Variants in ZMYM2 observed in about 807,000 individuals in gnomAD.
ZMYM2 encodes zinc finger MYM-type protein 2.
ZMYM2 carries 56 observed loss-of-function variants against 162.8 expected under a neutral mutation model. The observed-to-expected ratio is 0.34, with a 90% confidence interval of 0.28 to 0.43. ZMYM2 has a LOEUF of 0.43. Among genes scored for constraint, ZMYM2 ranks in the 20% least tolerant of loss-of-function variants. ZMYM2 has a pLI of 1.00. For missense variants in ZMYM2, 1,275 were observed against 1,621.8 expected, an observed-to-expected ratio of 0.79 and a Z score of 3.67; for synonymous variants, 510 against 541.6, an observed-to-expected ratio of 0.94 and a Z score of 0.81.
the ZMYM2 span, among the ~76,000 whole-genome samples, chr13:19,924,642 C>T: frequency 1.3e-5 from 2 of 152,152 alleles, no homozygotes; most frequent in Non-Finnish European, 2.9e-5. Flanking sequence ...GTCAGAATTT[C>T]CTTCCCTTTC....
the ZMYM2 span, among the ~76,000 whole-genome samples, chr13:19,917,923 G>T: frequency 1.3e-5 from 2 of 151,990 alleles, no homozygotes; most frequent in African/African-American, 4.8e-5. Context: ...GCTGGGCATG[G>T]TGGCTTGCCT....
At chr13:20,003,395 A>C (rs532573777) in intron 4 of ZMYM2, among the ~76,000 whole-genome samples, 2 of 152,336 alleles carry the variant, frequency 1.3e-5, no homozygotes, top group African/African-American at 4.8e-5. Flanking sequence ...AGAAGAAATT[A>C]GTTCTTATAG....
At chr13:20,003,640 T>G (rs1298627772) in intron 4 of ZMYM2, among the ~76,000 whole-genome samples, 2 of 147,862 alleles carry the variant, frequency 1.4e-5, no homozygotes, top group African/African-American at 4.9e-5. Flanking sequence ...TTTCTTTTCT[T>G]TTTTTTTTTT....
In ZMYM2 at chr13:20,034,215, G is replaced by GAGGTGT. The variant is rs35046313; in HGVS notation, c.1969-39_1969-38insAGGTGT. On this transcript the variant is annotated intron_variant, in intron 10 of 24. Transcript: ENST00000610343. ...AGTGGCGTGTTTATTTCTTAAGCTT[G>GAGGTGT]TCGTCATATACTTACCAAGGTTCCC... 197 of 294,274 alleles carry GAGGTGT rather than the reference G, an allele frequency of 6.7e-4. 1 individual carries two copies. The highest frequency in any genetic ancestry group is 1.5e-4 in the Non-Finnish European group (31 of 201,514). 18.2% of individuals were successfully genotyped at this position (294,274 alleles called of 1,614,324 possible). A position where few individuals can be genotyped will look rare whatever the true frequency, so the allele number is the denominator to read the frequency against.
chr13:19,927,367 C>T, the ZMYM2 span, among the ~76,000 whole-genome samples: 1 of 152,076 alleles, frequency 6.6e-6, no homozygotes, highest in Non-Finnish European at 1.5e-5. Flanking sequence ...ACAGAGACAA[C>T]ACACACACAC....
intron 2 of ZMYM2, among the ~76,000 whole-genome samples, chr13:19,981,807 TC>T (rs2139504318): frequency 6.6e-6 from 1 of 151,390 alleles, no homozygotes; most frequent in East Asian, 1.9e-4. Flanking sequence ...AAGATATCTT[TC>T]ATATCTTTAC....
At chr13:20,043,460 G>A (rs899257740) in intron 12 of ZMYM2, among the ~76,000 whole-genome samples, 1 of 152,170 alleles carries the variant, frequency 6.6e-6, no homozygotes, top group African/African-American at 2.4e-5. Context: ...GCTAGGGGGT[G>A]GAGTGGGGAA....
At chr13:20,013,147 CTT>C (rs781237316) in intron 6 of ZMYM2, among the ~76,000 whole-genome samples, 8 of 152,120 alleles carry the variant, frequency 5.3e-5, no homozygotes, top group Non-Finnish European at 1.2e-4. Flanking sequence ...TTTCAGCAGT[CTT>C]TTGTGGTTTT....
chr13:20,003,672 G>A (rs1178709969), intron 4 of ZMYM2, among the ~76,000 whole-genome samples: 1 of 148,950 alleles, frequency 6.7e-6, no homozygotes, highest in Admixed American at 6.7e-5. Context: ...TCATTCTGTA[G>A]CCCAGGCTGG....
At chr13:19,884,548 G>A in the ZMYM2 span, among the ~76,000 whole-genome samples, 8 of 151,856 alleles carry the variant, frequency 5.3e-5, no homozygotes, top group Admixed American at 2.0e-4. Flanking sequence ...ACTCCAGCCC[G>A]GGCAACAGAG....
chr13:20,072,588 G>A (rs1205822334), intron 21 of ZMYM2, among the ~76,000 whole-genome samples: 1 of 152,112 alleles, frequency 6.6e-6, no homozygotes, highest in Admixed American at 6.6e-5. Context: ...CCTATTTTCT[G>A]AAAGAATTTG....
intron 14 of ZMYM2, among the ~76,000 whole-genome samples, chr13:20,056,546 C>T (rs1042000959): frequency 6.6e-6 from 1 of 152,140 alleles, no homozygotes; most frequent in Non-Finnish European, 1.5e-5. Context: ...GACAAGGAAA[C>T]CACCATGGAT....
chr13:19,885,889 A>ATGTATATACACACATATG, the ZMYM2 span, among the ~76,000 whole-genome samples: 3 of 33,272 alleles, frequency 9.0e-5, no homozygotes, highest in Admixed American at 4.4e-4. Flanking sequence ...ACACATATAT[A>ATGTATATACACACATATG]TGTGTATACA....
intron 21 of ZMYM2, chr13:20,067,943 A>T (rs1209198991): frequency 6.3e-6 from 1 of 159,992 alleles, no homozygotes; most frequent in Non-Finnish European, 1.4e-5. Flanking sequence ...AATATGGTAG[A>T]TGACAGGGGA....
At chr13:19,907,137 T>C in the ZMYM2 span, among the ~76,000 whole-genome samples, 12 of 152,216 alleles carry the variant, frequency 7.9e-5, no homozygotes, top group African/African-American at 2.9e-4. Context: ...TCTCCCGAAG[T>C]AGTATTCCTT....
At chr13:19,948,054 A>G in the ZMYM2 span, among the ~76,000 whole-genome samples, 1 of 152,146 alleles carries the variant, frequency 6.6e-6, no homozygotes, top group Non-Finnish European at 1.5e-5. Context: ...CAAAAATGAG[A>G]TACCACTATA....
chr13:19,980,568 A>G (rs1957228395), intron 2 of ZMYM2, among the ~76,000 whole-genome samples: 1 of 152,080 alleles, frequency 6.6e-6, no homozygotes, highest in South Asian at 2.1e-4. Context: ...CCTGGCCAAC[A>G]TGGTGAAACC....
chr13:20,004,939 A>G (rs1950634457), intron 4 of ZMYM2, 135 bp from the exon 5 acceptor site: 2 of 618,056 alleles, frequency 3.2e-6, no homozygotes, highest in Non-Finnish European at 2.5e-6. Flanking sequence ...AATGTCTAAT[A>G]AAAATGATTT....
At chr13:19,864,633 G>A in the ZMYM2 span, 2 of 153,006 alleles carry the variant, frequency 1.3e-5, no homozygotes, top group Admixed American at 6.5e-5. Context: ...TGTGCTAGCA[G>A]CCCGGGGCGC....
Sources: allele counts gnomAD v4.1 joint callset (sites outside exome capture counted in the v4.1 genomes callset), GRCh38; gene constraint gnomAD v4.1.1; transcripts MANE v1.5; gene names NCBI Gene and HGNC (gene_info 2026-07-23, HGNC 2026-07-21).